PARD3: variants seen among roughly 807,000 people sequenced by gnomAD.
PARD3 encodes the protein partitioning defective 3 homolog.
In PARD3, 75 loss-of-function variants were observed where a neutral mutation model predicts 155.4. The ratio of observed to expected loss-of-function variants is 0.48; its 90% CI spans 0.40 to 0.58. The LOEUF is 0.58. PARD3 is among the 20% of genes least tolerant of loss of function. The pLI, the probability that PARD3 is intolerant of heterozygous loss-of-function variation, is 0.00. For synonymous variants in PARD3, 576 were observed against 610.5 expected, an observed-to-expected ratio of 0.94 and a Z score of 0.83; for missense variants, 1,642 against 1,721.7, an observed-to-expected ratio of 0.95 and a Z score of 0.82.
At chr10:34,275,025 A>G (rs979908782) in intron 21 of PARD3, among the ~76,000 whole-genome samples, 7 of 152,156 alleles carry the variant, frequency 4.6e-5, no homozygotes, top group Non-Finnish European at 1.0e-4. Flanking sequence ...CAATCTCTCA[A>G]AAGAAGTGCT....
At chr10:34,683,780 C>T (rs1383874018) in intron 2 of PARD3, among the ~76,000 whole-genome samples, 1 of 152,046 alleles carries the variant, frequency 6.6e-6, no homozygotes, top group Non-Finnish European at 1.5e-5. Flanking sequence ...ATGCAGGAGG[C>T]CTGGCCCCCT....
At chr10:34,219,968 G>A (rs140676076) in intron 22 of PARD3, among the ~76,000 whole-genome samples, 2 of 152,262 alleles carry the variant, frequency 1.3e-5, no homozygotes, top group Non-Finnish European at 1.5e-5. Flanking sequence ...TTTTACGAAC[G>A]CATCAGTCCC....
At chr10:34,694,880 T>C (rs148842453) in intron 2 of PARD3, among the ~76,000 whole-genome samples, 1 of 152,160 alleles carries the variant, frequency 6.6e-6, no homozygotes, top group African/African-American at 2.4e-5. Flanking sequence ...ATGCTAACTG[T>C]CAGGAATATA....
Position 34,473,403 on chromosome 10 carries a change from G to A in PARD3, c.404-3140C>T, listed in dbSNP as rs567901575. On this transcript the variant is annotated intron_variant, in intron 3 of 24. Transcript: ENST00000374788. ...ACAAAACCCAATAAAACAAGTCAAC[G>A]AGGCCAGGTGCAATGGCTCACACCT... is the stretch of plus-strand genomic sequence containing the variant. Among the ~76,000 whole-genome samples, 7 of 152,048 alleles carry A rather than the reference G, an allele frequency of 4.6e-5. No individual in the cohort carries two copies. In the East Asian group the frequency reaches 5.8e-4, roughly 13 times the overall value.
intron 1 of PARD3, among the ~76,000 whole-genome samples, chr10:34,710,079 T>G (rs933546355): frequency 2.6e-5 from 4 of 152,130 alleles, no homozygotes; most frequent in Non-Finnish European, 5.9e-5. Context: ...TCCAGAAATT[T>G]AAAATGTGGA....
At chr10:34,586,140 A>G (rs1390957756) in intron 2 of PARD3, among the ~76,000 whole-genome samples, 1 of 152,184 alleles carries the variant, frequency 6.6e-6, no homozygotes. Context: ...TTCAGTCCCA[A>G]CTGATGGATA....
chr10:34,466,465 T>C lies in PARD3; in HGVS notation c.582+3620A>G, dbSNP rs565306977. On this transcript the variant is annotated intron_variant, in intron 4 of 24. Coordinates refer to ENST00000374788, the MANE Select transcript of PARD3 (RefSeq NM_001184785.2). ...TGCTTAGAAACAAGATTTTAATTGATTGGTAACATTATTCTAAAATAATTT... is the reference window on the plus strand; with the variant it reads ...TGCTTAGAAACAAGATTTTAATTGACTGGTAACATTATTCTAAAATAATTT... Among the ~76,000 whole-genome samples, 4 of 152,302 alleles carry C rather than the reference T, an allele frequency of 2.6e-5. No homozygotes were observed. The South Asian group carries it at 6.2e-4, about 24-fold the overall frequency.
intron 22 of PARD3, among the ~76,000 whole-genome samples, chr10:34,258,148 T>G (rs1475125242): frequency 6.6e-6 from 1 of 152,192 alleles, no homozygotes; most frequent in Non-Finnish European, 1.5e-5. Flanking sequence ...TACTGAGGGC[T>G]TAGACTGCAT....
At chr10:34,715,018 C>A (rs1348844497) in intron 1 of PARD3, among the ~76,000 whole-genome samples, 4 of 151,820 alleles carry the variant, frequency 2.6e-5, no homozygotes, top group Admixed American at 1.3e-4. Flanking sequence ...ATGATACACC[C>A]ACCTCAGCCT....
At chr10:34,358,936 G>A (rs1057329583) in intron 14 of PARD3, among the ~76,000 whole-genome samples, 1 of 152,130 alleles carries the variant, frequency 6.6e-6, no homozygotes, top group Non-Finnish European at 1.5e-5. Context: ...TTGGCAATAG[G>A]AGTATTAATG....
chr10:34,706,499 C>A (rs1248950050), intron 1 of PARD3, among the ~76,000 whole-genome samples: 1 of 152,200 alleles, frequency 6.6e-6, no homozygotes, highest in Non-Finnish European at 1.5e-5. Context: ...GTAATCCCAG[C>A]ACTCTGGGAG....
chr10:34,812,997 C>G (rs887782459), intron 1 of PARD3, among the ~76,000 whole-genome samples: 2 of 152,190 alleles, frequency 1.3e-5, no homozygotes, highest in African/African-American at 4.8e-5. Context: ...AGCTCCTTCA[C>G]CTGGAGGACC....
At chr10:34,314,786 A>T (rs1170685140) in intron 20 of PARD3, among the ~76,000 whole-genome samples, 1 of 152,236 alleles carries the variant, frequency 6.6e-6, no homozygotes, top group African/African-American at 2.4e-5. Context: ...AGTAAAGTAT[A>T]GCAAAAATAA....
intron 1 of PARD3, among the ~76,000 whole-genome samples, chr10:34,778,255 T>A (rs898956256): frequency 6.6e-6 from 1 of 152,212 alleles, no homozygotes; most frequent in African/African-American, 2.4e-5. Flanking sequence ...GGTATTCATC[T>A]GTAAATGGAC....
intron 5 of PARD3, among the ~76,000 whole-genome samples, chr10:34,419,775 T>C (rs1190160656): frequency 6.6e-6 from 1 of 152,216 alleles, no homozygotes; most frequent in East Asian, 1.9e-4. Flanking sequence ...TCATTACAAT[T>C]TGGAAAACAA....
At chr10:34,775,807 G>C (rs181377381) in intron 1 of PARD3, among the ~76,000 whole-genome samples, 28 of 152,230 alleles carry the variant, frequency 1.8e-4, no homozygotes, top group Non-Finnish European at 2.5e-4. Context: ...AAATCTGTAG[G>C]TATTATTCTA....
Position 34,750,689 on chromosome 10 carries a change from C to T in PARD3, c.121-54270G>A, listed in dbSNP as rs1338369240. Among the ~76,000 whole-genome samples the T allele has an allele frequency of 1.2e-4, 16 of 134,400 alleles. No individual in the cohort carries two copies. In the South Asian group the frequency reaches 3.3e-3, roughly 28 times the overall value. The allele number at this position is 134,400 out of a possible 152,430, so 88.2% of individuals were successfully genotyped here. On this transcript the variant is annotated intron_variant, in intron 1 of 24. Transcript: ENST00000374788. ...TGGATTATTCTTGGTAATGACATAA[C>T]AATTTTTTTTTTTTTTTGAGATGGA...
At chr10:34,346,209 GA>G in intron 15 of PARD3, 1 of 1,135,714 alleles carries the variant, frequency 8.8e-7, no homozygotes, top group East Asian at 6.6e-5. Context: ...GCAAACCGAA[GA>G]GGACTAATGA....
intron 2 of PARD3, among the ~76,000 whole-genome samples, chr10:34,630,126 T>C (rs1590308658): frequency 6.6e-6 from 1 of 152,042 alleles, no homozygotes; most frequent in African/African-American, 2.4e-5. Flanking sequence ...ATCACCGACA[T>C]AGCAATGGTA....
Sources: allele counts gnomAD v4.1 joint callset (sites outside exome capture counted in the v4.1 genomes callset), GRCh38; gene constraint gnomAD v4.1.1; transcripts MANE v1.5; gene names NCBI Gene and HGNC (gene_info 2026-07-23, HGNC 2026-07-21).